Variants in PATJ observed in about 807,000 individuals in gnomAD.
The protein encoded by PATJ is PATJ crumbs cell polarity complex component, also known as inaD-like protein.
Under a neutral mutation model 224.9 loss-of-function variants are expected in PATJ, and 190 were observed. The observed-to-expected ratio is 0.84, with a 90% CI of 0.75 to 0.95. The LOEUF (loss-of-function observed/expected upper bound fraction) is 0.95. Ranked by LOEUF, PATJ falls within the 40% of genes least tolerant of loss-of-function variation. PATJ has a pLI of 0.00. For missense variants in PATJ, 2,121 were observed against 2,270.3 expected, an observed-to-expected ratio of 0.93 and a Z score of 1.34; for synonymous variants, 769 against 820.3, an observed-to-expected ratio of 0.94 and a Z score of 1.07.
At chr1:61,814,547 T>TGCGCGC (rs1553168028) in intron 14 of PATJ, among the ~76,000 whole-genome samples, 63 of 142,568 alleles carry the variant, frequency 4.4e-4, no homozygotes, top group African/African-American at 1.6e-3. Flanking sequence ...TGTGTGTGTG[T>TGCGCGC]GCGCGCGCGC....
chr1:62,102,579 G>A (rs892487041), intron 33 of PATJ, among the ~76,000 whole-genome samples: 3 of 151,950 alleles, frequency 2.0e-5, no homozygotes, highest in Non-Finnish European at 2.9e-5. Context: ...GCCAGGCGTG[G>A]TGGTGGCTCA....
At chr1:62,059,830 A>G (rs550416582) in intron 31 of PATJ, among the ~76,000 whole-genome samples, 1 of 152,286 alleles carries the variant, frequency 6.6e-6, no homozygotes, top group South Asian at 2.1e-4. Context: ...GATTTTCAAC[A>G]TATACAGGAG....
chr1:62,079,332 T>C, intron 31 of PATJ, 118 bp from the exon 32 acceptor site: 1 of 649,302 alleles, frequency 1.5e-6, no homozygotes. Flanking sequence ...CAACCTTATA[T>C]TCTCAAAAGA....
At chr1:62,062,579 A>C (rs1284004919) in intron 31 of PATJ, among the ~76,000 whole-genome samples, 1 of 142,354 alleles carries the variant, frequency 7.0e-6, no homozygotes, top group Non-Finnish European at 1.5e-5. Flanking sequence ...GCTCACAGCA[A>C]CCTTGAACTC....
chr1:62,105,966 C>G lies in PATJ; in HGVS notation c.4378-2471C>G, dbSNP rs1287502493. Among the ~76,000 whole-genome samples the G allele has an allele frequency of 3.5e-5, 5 of 142,742 alleles. 1 individual carries two copies. Among genetic ancestry groups the G allele is most frequent in the African/African-American group, 1.3e-4 (5 of 38,334 alleles). The allele number at this position is 142,742 out of a possible 152,430, so 93.6% of individuals were successfully genotyped here. ...AGTAAGCCTGGTGCTATGGGACATG[C>G]CTGTAGTCCCAGCTCCCAGGATGAG... On this transcript the variant is annotated intron_variant, in intron 33 of 43. Transcript: ENST00000642238.
At chr1:61,796,339 AG>A (rs1261359425) in intron 10 of PATJ, among the ~76,000 whole-genome samples, 2 of 152,356 alleles carry the variant, frequency 1.3e-5, no homozygotes, top group African/African-American at 4.8e-5. Context: ...TTTTTCAGAA[AG>A]CTAGAAGACC....
chr1:61,833,386 T>A, intron 16 of PATJ: 1 of 262,330 alleles, frequency 3.8e-6, no homozygotes, highest in Non-Finnish European at 7.2e-6. Context: ...AGGTCAGTGT[T>A]AATACTTTGA....
chr1:61,984,189 G>GTTTTTTT (rs1644615236), intron 27 of PATJ, among the ~76,000 whole-genome samples: 1 of 125,370 alleles, frequency 8.0e-6, no homozygotes, highest in African/African-American at 3.1e-5. Flanking sequence ...GAGGCAGAGT[G>GTTTTTTT]TTGCTCTGTC....
At chr1:61,927,643 C>T in intron 26 of PATJ, 87 bp from the exon 27 acceptor site, 3 of 812,392 alleles carry the variant, frequency 3.7e-6, no homozygotes, top group Non-Finnish European at 6.0e-6. Context: ...TAAATATTTC[C>T]AGACTATCTT....
At chr1:62,113,299 C>T (rs1383582661) in intron 34 of PATJ, among the ~76,000 whole-genome samples, 2 of 152,118 alleles carry the variant, frequency 1.3e-5, no homozygotes, top group Admixed American at 6.6e-5. Context: ...TCCCTCATCT[C>T]CTTCTGGGCC....
At chr1:61,809,851 C>CTTTT (rs34929042) in intron 14 of PATJ, among the ~76,000 whole-genome samples, 2 of 138,958 alleles carry the variant, frequency 1.4e-5, no homozygotes, top group Non-Finnish European at 3.1e-5. Flanking sequence ...TCTTTTCTTT[C>CTTTT]TTTTTTTTTT....
At chr1:61,758,992 A>C (rs983419874) in intron 1 of PATJ, among the ~76,000 whole-genome samples, 7 of 152,266 alleles carry the variant, frequency 4.6e-5, no homozygotes, top group Admixed American at 1.3e-4. Flanking sequence ...ATAAATTCTC[A>C]GATTATTTAC....
chr1:61,942,792 G>A (rs193176203), intron 27 of PATJ, among the ~76,000 whole-genome samples: 154 of 152,076 alleles, frequency 1.0e-3, no homozygotes, highest in African/African-American at 3.2e-3. Context: ...CAGGTGATCC[G>A]CCTGCCTCAG....
chr1:61,838,843 C>T (rs1054698746), intron 17 of PATJ, among the ~76,000 whole-genome samples: 2 of 151,904 alleles, frequency 1.3e-5, no homozygotes, highest in Non-Finnish European at 2.9e-5. Context: ...CTATGGTCTC[C>T]GTGGAAGATT....
chr1:61,911,481 C>CA (rs1245858753), intron 25 of PATJ, among the ~76,000 whole-genome samples: 2 of 151,784 alleles, frequency 1.3e-5, no homozygotes, highest in African/African-American at 4.8e-5. Flanking sequence ...CAAAGTGAGC[C>CA]ACCGCACCTA....
intron 41 of PATJ, among the ~76,000 whole-genome samples, chr1:62,140,602 G>A (rs866477392): frequency 1.3e-5 from 2 of 152,016 alleles, no homozygotes; most frequent in Middle Eastern, 3.4e-3. Context: ...GCAGTGAGCC[G>A]AGGTCATGTC....
At chr1:61,936,455 G>A (rs191151756) in intron 27 of PATJ, among the ~76,000 whole-genome samples, 117 of 140,040 alleles carry the variant, frequency 8.4e-4, no homozygotes, top group African/African-American at 3.0e-3. Context: ...AAAAAAAGCC[G>A]GAAAGGAAGA....
At chr1:61,961,193 A>G (rs1460050892) in intron 27 of PATJ, among the ~76,000 whole-genome samples, 1 of 152,216 alleles carries the variant, frequency 6.6e-6, no homozygotes, top group African/African-American at 2.4e-5. Flanking sequence ...TGATCAAAGA[A>G]AAAAGGAATG....
At chr1:61,836,697 G>A (rs919312969) in intron 17 of PATJ, among the ~76,000 whole-genome samples, 3 of 146,402 alleles carry the variant, frequency 2.0e-5, no homozygotes, top group African/African-American at 8.3e-5. Context: ...ACCATCCCTT[G>A]TTGTAATTAG....
Sources: allele counts gnomAD v4.1 joint callset (sites outside exome capture counted in the v4.1 genomes callset), GRCh38; gene constraint gnomAD v4.1.1; transcripts MANE v1.5; gene names NCBI Gene and HGNC (gene_info 2026-07-23, HGNC 2026-07-21).